Variants in PXDNL observed in about 807,000 individuals in gnomAD.
The protein encoded by PXDNL is peroxidasin like, also known as probable oxidoreductase PXDNL.
PXDNL carries 145 observed loss-of-function variants against 150.8 expected under a neutral mutation model. That is an observed-to-expected ratio of 0.96 (90% CI 0.84 to 1.10). The LOEUF is 1.10. PXDNL is among the 50% of genes least tolerant of loss of function. The probability of loss-of-function intolerance (pLI) is 0.00; values close to 1 mark genes in which losing one functional copy is unlikely to be tolerated. For synonymous variants in PXDNL, 757 were observed against 725.7 expected (o/e 1.04, Z -0.69); for missense variants, 2,087 against 1,873.9 (o/e 1.11, Z -2.10).
intron 21 of PXDNL, chr8:51,321,223 T>A (rs7818411): frequency 0.31 from 62,265 of 198,680 alleles, 11,747 homozygotes; most frequent in African/African-American, 0.56. Context: ...ATAAGCACAC[T>A]TGTAAATTCA....
At chr8:51,349,025 TTTA>T (rs1806252854) in intron 19 of PXDNL, among the ~76,000 whole-genome samples, 1 of 152,160 alleles carries the variant, frequency 6.6e-6, no homozygotes. Flanking sequence ...ATGACTTAAA[TTTA>T]GATCAGCTTA....
At chr8:51,608,612 C>G (rs28464717) in intron 2 of PXDNL, among the ~76,000 whole-genome samples, 1 of 141,312 alleles carries the variant, frequency 7.1e-6, no homozygotes, top group East Asian at 2.0e-4. Flanking sequence ...CCAAGGCGGG[C>G]AGATCACGAG....
intron 2 of PXDNL, among the ~76,000 whole-genome samples, chr8:51,634,005 TTG>T (rs1362451938): frequency 6.6e-6 from 1 of 152,192 alleles, no homozygotes; most frequent in Non-Finnish European, 1.5e-5. Context: ...TTGTCAATTT[TTG>T]TTTTTGTTGC....
intron 12 of PXDNL, among the ~76,000 whole-genome samples, chr8:51,439,762 T>C (rs1809494915): frequency 6.7e-6 from 1 of 149,340 alleles, no homozygotes. Flanking sequence ...GAGGCAGAGG[T>C]TGCAGTAAGC....
rs1192424526 is a variant in PXDNL, at chr8:51,719,639, TA to T, written c.165-64880del. ...GAGAAACACCCAAGAATGATCAATT[TA>T]AAAAAAAAAAAAAAACTATTTCTAC... is the stretch of plus-strand genomic sequence containing the variant. On this transcript the variant is annotated intron_variant, in intron 1 of 22. Transcript: ENST00000356297. 3.7e-3 allele frequency among the ~76,000 whole-genome samples: 500 copies of T among 134,220 alleles called. 5 individuals are homozygous for T. Among genetic ancestry groups the T allele is most frequent in the Admixed American group, 0.015 (198 of 13,298 alleles). 88.1% of individuals were successfully genotyped at this position (134,220 alleles called of 152,430 possible). A position where few individuals can be genotyped will look rare whatever the true frequency, so the allele number is the denominator to read the frequency against.
intron 17 of PXDNL, among the ~76,000 whole-genome samples, chr8:51,407,621 C>T (rs571317369): frequency 3.9e-5 from 6 of 152,150 alleles, no homozygotes; most frequent in Admixed American, 2.0e-4. Flanking sequence ...ACTTAAATTC[C>T]GACCATGAAT....
At chr8:51,720,236 A>G (rs139697263) in intron 1 of PXDNL, among the ~76,000 whole-genome samples, 1,608 of 151,150 alleles carry the variant, frequency 0.011, 26 homozygotes, top group African/African-American at 0.032. Flanking sequence ...GAAGTTTTAT[A>G]CAGAAGCAAA....
At chr8:51,751,743 T>C (rs576172364) in intron 1 of PXDNL, among the ~76,000 whole-genome samples, 5 of 152,326 alleles carry the variant, frequency 3.3e-5, no homozygotes, top group South Asian at 4.1e-4. Context: ...TCTTTCTGAC[T>C]TCCTCATAAT....
intron 1 of PXDNL, among the ~76,000 whole-genome samples, chr8:51,742,222 T>G (rs1261268507): frequency 6.6e-6 from 1 of 152,180 alleles, no homozygotes; most frequent in African/African-American, 2.4e-5. Flanking sequence ...GATTAGTGGT[T>G]ACCAGGAGCT....
At chr8:51,611,754 G>A (rs571294411) in intron 2 of PXDNL, among the ~76,000 whole-genome samples, 14 of 152,284 alleles carry the variant, frequency 9.2e-5, no homozygotes, top group African/African-American at 3.4e-4. Flanking sequence ...AGGGAGCACG[G>A]CTTTCTGGAA....
At chr8:51,558,089 T>C (rs535589149) in intron 3 of PXDNL, among the ~76,000 whole-genome samples, 4 of 152,284 alleles carry the variant, frequency 2.6e-5, no homozygotes, top group Non-Finnish European at 5.9e-5. Flanking sequence ...AAACAGTTTA[T>C]AAGAAGCATT....
At position 51,493,937 on chromosome 8, in the gene PXDNL, A is replaced by G. The variant is rs140084042; in HGVS notation, c.452+5762T>C. On this transcript the variant is annotated intron_variant, in intron 5 of 22. Coordinates refer to ENST00000356297, the MANE Select transcript of PXDNL (RefSeq NM_144651.5). ...TTCAGGAAATACAGAGAACGCCACA[A>G]AGATACTCCTCAAGAAGAGTAACTC... Among the ~76,000 whole-genome samples the G allele has an allele frequency of 4.3e-3, 649 of 152,306 alleles. 4 individuals carry two copies. Among genetic ancestry groups the G allele is most frequent in the African/African-American group, 0.015 (621 of 41,560 alleles).
chr8:51,532,022 CGTT>C (rs1278751760), intron 4 of PXDNL, among the ~76,000 whole-genome samples: 1 of 152,148 alleles, frequency 6.6e-6, no homozygotes, highest in Admixed American at 6.5e-5. Flanking sequence ...GCTTGCAAAT[CGTT>C]GTGATGGCTT....
chr8:51,448,090 T>G (rs1224593641), intron 11 of PXDNL, among the ~76,000 whole-genome samples: 1 of 152,206 alleles, frequency 6.6e-6, no homozygotes, highest in African/African-American at 2.4e-5. Context: ...AGACAAGAAA[T>G]TCATAAATGT....
At chr8:51,608,012 A>G (rs1014904593) in intron 2 of PXDNL, among the ~76,000 whole-genome samples, 1 of 56,228 alleles carries the variant, frequency 1.8e-5, no homozygotes, top group South Asian at 5.5e-4. Context: ...GAAGAAAGAA[A>G]GAAAGAAAGA....
At chr8:51,457,291 C>G (rs1809957799) in intron 9 of PXDNL, among the ~76,000 whole-genome samples, 1 of 152,172 alleles carries the variant, frequency 6.6e-6, no homozygotes, top group South Asian at 2.1e-4. Flanking sequence ...AGTCTTGGAA[C>G]CACAATGTGC....
intron 1 of PXDNL, among the ~76,000 whole-genome samples, chr8:51,702,162 A>G (rs1816270762): frequency 6.6e-6 from 1 of 152,188 alleles, no homozygotes; most frequent in Admixed American, 6.5e-5. Context: ...TATCTGATAA[A>G]TATTGCAGAG....
At chr8:51,750,907 A>G (rs1021826738) in intron 1 of PXDNL, among the ~76,000 whole-genome samples, 3 of 152,242 alleles carry the variant, frequency 2.0e-5, no homozygotes, top group Non-Finnish European at 4.4e-5. Context: ...GGTTGTAAAC[A>G]GACAGTTTAG....
intron 1 of PXDNL, among the ~76,000 whole-genome samples, chr8:51,691,587 A>G (rs1194550116): frequency 2.6e-5 from 4 of 152,118 alleles, no homozygotes; most frequent in African/African-American, 9.7e-5. Flanking sequence ...GAAAAAAAAA[A>G]CACCTAAATA....
Sources: allele counts gnomAD v4.1 joint callset (sites outside exome capture counted in the v4.1 genomes callset), GRCh38; gene constraint gnomAD v4.1.1; transcripts MANE v1.5; gene names NCBI Gene and HGNC (gene_info 2026-07-23, HGNC 2026-07-21).